The following TMC7 variants were observed in gnomAD, a reference collection of about 807,000 sequenced individuals.
TMC7 encodes transmembrane channel like 7, also known as transmembrane channel-like protein 7.
A neutral mutation model predicts 82.9 loss-of-function variants in TMC7; 54 were observed. That is an observed-to-expected ratio of 0.65 (90% CI 0.52 to 0.82). TMC7 has a LOEUF of 0.82. Ranked by LOEUF, TMC7 falls within the 40% of genes least tolerant of loss-of-function variation. The pLI is 0.00. For missense variants in TMC7, 820 were observed against 901.2 expected (o/e 0.91, Z 1.15); for synonymous variants, 350 against 337.9 (o/e 1.04, Z -0.39).
rs185589917 is a variant in TMC7, at chr16:18,990,214, T to C, written c.67+6084T>C. ...TCAGTTAGGATGGGGCAGAAACAAA[T>C]CACAATGGTGGAATGTCATCAGTTA... On this transcript the variant is annotated intron_variant, in intron 1 of 15. Transcript: ENST00000304381. 3.0e-3 allele frequency among the ~76,000 whole-genome samples: 452 copies of C among 152,204 alleles called. 5 individuals are homozygous for C. Among genetic ancestry groups the C allele is most frequent in the African/African-American group, 0.01 (430 of 41,524 alleles).
In TMC7 at chr16:19,045,421, C is replaced by T. The variant is rs566960043; in HGVS notation, c.1536C>T (p.Phe512=). 60 of 1,613,678 alleles carry T rather than the reference C, an allele frequency of 3.7e-5. No individual in the cohort carries two copies. In the South Asian group the frequency reaches 5.7e-4, roughly 15 times the overall value. Residue 512 remains phenylalanine (F), a synonymous_variant, in exon 11 of 16, where the codon TTC becomes TTT. Coordinates refer to ENST00000304381, the MANE Select transcript of TMC7 (RefSeq NM_024847.4). ...TCATCATCTTGGCTGTGACACTCTT[C>T]GTGGATTTTCCTAGAAAGTAAGTGC... is the stretch of plus-strand genomic sequence containing the variant. ...DFIIILAVTL[F]VDFPRKLLVT...
intron 9 of TMC7, among the ~76,000 whole-genome samples, chr16:19,042,992 C>T (rs1961092588): frequency 6.6e-6 from 1 of 151,980 alleles, no homozygotes; most frequent in Non-Finnish European, 1.5e-5. Context: ...GTGATCCGCC[C>T]ACCTCGGCCT....
chr16:18,988,150 CTCTT>C (rs1431834520), intron 1 of TMC7, among the ~76,000 whole-genome samples: 19 of 146,596 alleles, frequency 1.3e-4, no homozygotes, highest in Admixed American at 6.2e-4. Context: ...CTTTTCTTCT[CTCTT>C]TCTTTTTTTT....
At chr16:19,053,165 C>G (rs780896276) in intron 13 of TMC7, among the ~76,000 whole-genome samples, 131 of 152,116 alleles carry the variant, frequency 8.6e-4, no homozygotes, top group Non-Finnish European at 7.3e-5. Flanking sequence ...CTTATTCTCA[C>G]TCTCCATAGG....
intron 2 of TMC7, among the ~76,000 whole-genome samples, chr16:19,016,155 G>T (rs1227349527): frequency 6.6e-6 from 1 of 151,836 alleles, no homozygotes; most frequent in Non-Finnish European, 1.5e-5. Context: ...GGAGTGCAAT[G>T]GCACCATCTC....
chr16:19,040,325 A>C lies in TMC7; in HGVS notation c.1216A>C (p.Ile406Leu). ...GATGGTTTTTGGAGAGAACCTCTTC[A>C]TATTGTATCTACCGTCTATTGTGAT... is the stretch of plus-strand genomic sequence containing the variant. ...DKMVFGENLF[I>L]LYLPSIVITL... The change falls in exon 9 of 16, where the codon ATA (isoleucine) becomes CTA (leucine). Residue 406 changes from isoleucine to leucine, a missense_variant. By Grantham distance (5) the Ile-to-Leu change is conservative. Coordinates refer to ENST00000304381, the MANE Select transcript of TMC7 (RefSeq NM_024847.4). 3 of 1,613,890 alleles carry C rather than the reference A, an allele frequency of 1.9e-6. No individual in the cohort carries two copies. The highest frequency in any genetic ancestry group is 2.5e-6 in the Non-Finnish European group (3 of 1,180,002).
At chr16:18,997,973 C>G (rs1166110404) in intron 1 of TMC7, among the ~76,000 whole-genome samples, 1 of 151,876 alleles carries the variant, frequency 6.6e-6, no homozygotes, top group African/African-American at 2.4e-5. Context: ...ATCTCGTGAT[C>G]CGCCCGCCTC....
chr16:19,010,557 C>T (rs1959266621), intron 2 of TMC7, among the ~76,000 whole-genome samples: 1 of 152,158 alleles, frequency 6.6e-6, no homozygotes, highest in Non-Finnish European at 1.5e-5. Context: ...TCTGCATACC[C>T]CTAAAGCCTC....
intron 2 of TMC7, among the ~76,000 whole-genome samples, chr16:19,010,700 C>G (rs1959279540): frequency 1.3e-5 from 2 of 152,212 alleles, no homozygotes; most frequent in South Asian, 4.1e-4. Context: ...TACCAGTCAG[C>G]TGGACAAATC....
intron 8 of TMC7, among the ~76,000 whole-genome samples, chr16:19,038,994 G>T (rs1960884595): frequency 6.6e-6 from 1 of 152,010 alleles, no homozygotes; most frequent in Admixed American, 6.6e-5. Context: ...TTGTCTAGTG[G>T]CTCTGTTTTA....
At chr16:19,013,800 T>G (rs1016889382) in intron 2 of TMC7, among the ~76,000 whole-genome samples, 1 of 150,878 alleles carries the variant, frequency 6.6e-6, no homozygotes, top group Non-Finnish European at 1.5e-5. Context: ...ATTACAAGCA[T>G]GAGCCACTGC....
intron 5 of TMC7, among the ~76,000 whole-genome samples, chr16:19,026,000 T>G (rs1217046873): frequency 6.6e-6 from 1 of 151,842 alleles, no homozygotes; most frequent in Non-Finnish European, 1.5e-5. Flanking sequence ...GGTCTCGAGC[T>G]CCTGAGCTCA....
At chr16:19,002,254 A>G (rs1157487136) in intron 1 of TMC7, among the ~76,000 whole-genome samples, 2 of 106,618 alleles carry the variant, frequency 1.9e-5, no homozygotes, top group African/African-American at 3.5e-5. Context: ...TTTTTTTTTT[A>G]AGATGGAGTT....
At chr16:18,994,964 G>C (rs2039016543) in intron 1 of TMC7, among the ~76,000 whole-genome samples, 1 of 134,154 alleles carries the variant, frequency 7.5e-6, no homozygotes, top group South Asian at 2.6e-4. Flanking sequence ...GAGTAGAGGT[G>C]TCCTATACTT....
At chr16:19,034,321 A>G (rs981806160) in intron 6 of TMC7, among the ~76,000 whole-genome samples, 3 of 152,124 alleles carry the variant, frequency 2.0e-5, no homozygotes, top group Non-Finnish European at 2.9e-5. Context: ...GGATTGGGCT[A>G]GGTGCGGTGG....
chr16:18,997,029 C>T (rs1194945850), intron 1 of TMC7, among the ~76,000 whole-genome samples: 1 of 152,092 alleles, frequency 6.6e-6, no homozygotes, highest in African/African-American at 2.4e-5. Context: ...GCGAGAGAGG[C>T]CAGAGAAGAG....
At chr16:19,013,634 C>T (rs1334584304) in intron 2 of TMC7, among the ~76,000 whole-genome samples, 1 of 152,088 alleles carries the variant, frequency 6.6e-6, no homozygotes, top group Non-Finnish European at 1.5e-5. Flanking sequence ...TGTCCCACTT[C>T]AGCCTCCTGA....
intron 1 of TMC7, among the ~76,000 whole-genome samples, chr16:18,997,463 G>A (rs973581380): frequency 6.6e-5 from 10 of 151,816 alleles, no homozygotes; most frequent in African/African-American, 2.4e-4. Context: ...TCTGACTCCT[G>A]GATTCAAGCG....
chr16:18,993,361 T>A (rs2038984585), intron 1 of TMC7, among the ~76,000 whole-genome samples: 1 of 152,262 alleles, frequency 6.6e-6, no homozygotes, highest in South Asian at 2.1e-4. Context: ...GTAACCTACA[T>A]GGAAGAAGTT....
Sources: allele counts gnomAD v4.1 joint callset (sites outside exome capture counted in the v4.1 genomes callset), GRCh38; gene constraint gnomAD v4.1.1; transcripts MANE v1.5; gene names NCBI Gene and HGNC (gene_info 2026-07-23, HGNC 2026-07-21).